Variants in EPHA3 observed in about 807,000 individuals in gnomAD.
EPHA3 encodes ephrin type-A receptor 3.
Under a neutral mutation model 107.1 loss-of-function variants are expected in EPHA3, and 42 were observed. The ratio of observed to expected loss-of-function variants is 0.39; its 90% CI spans 0.31 to 0.51. The LOEUF is 0.51. Ranked by LOEUF, EPHA3 falls within the 20% of genes least tolerant of loss-of-function variation. EPHA3 has a pLI of 0.78. For missense variants in EPHA3, 1,183 were observed against 1,211.2 expected, an observed-to-expected ratio of 0.98 and a Z score of 0.35; for synonymous variants, 461 against 424.8, an observed-to-expected ratio of 1.09 and a Z score of -1.05.
intron 5 of EPHA3, among the ~76,000 whole-genome samples, chr3:89,366,499 T>A (rs1708186400): frequency 1.3e-5 from 2 of 150,916 alleles, no homozygotes; most frequent in African/African-American, 4.8e-5. Flanking sequence ...AGTAAGCAAT[T>A]GACCACTAAG....
chr3:89,261,940 A>G (rs1236480966), intron 3 of EPHA3, among the ~76,000 whole-genome samples: 2 of 151,868 alleles, frequency 1.3e-5, no homozygotes, highest in African/African-American at 4.8e-5. Flanking sequence ...ACATATGAAC[A>G]CACACATTTA....
intron 2 of EPHA3, among the ~76,000 whole-genome samples, chr3:89,184,852 C>T (rs1307584436): frequency 6.6e-6 from 1 of 152,000 alleles, no homozygotes; most frequent in African/African-American, 2.4e-5. Flanking sequence ...GAATGTGAAG[C>T]TGGAAACTAC....
chr3:89,185,718 A>G (rs1438410505), intron 2 of EPHA3, among the ~76,000 whole-genome samples: 1 of 151,832 alleles, frequency 6.6e-6, no homozygotes, highest in African/African-American at 2.4e-5. Flanking sequence ...CTCCCTTTCT[A>G]CTTTGTCTAC....
At chr3:89,269,155 T>G (rs1385855698) in intron 3 of EPHA3, among the ~76,000 whole-genome samples, 2 of 152,172 alleles carry the variant, frequency 1.3e-5, no homozygotes, top group Non-Finnish European at 2.9e-5. Flanking sequence ...GACCCAGTTT[T>G]AAGTGCCTTA....
intron 3 of EPHA3, among the ~76,000 whole-genome samples, chr3:89,339,389 AAG>A (rs1553683512): frequency 6.3e-5 from 9 of 143,658 alleles, no homozygotes; most frequent in African/African-American, 2.0e-4. Flanking sequence ...AAAAAAAAAA[AAG>A]AAAGAAAGAA....
At chr3:89,299,433 A>T (rs1257658631) in intron 3 of EPHA3, among the ~76,000 whole-genome samples, 1 of 152,032 alleles carries the variant, frequency 6.6e-6, no homozygotes, top group Non-Finnish European at 1.5e-5. Context: ...AACTATCAAC[A>T]GAAAAATGTA....
At position 89,399,674 on chromosome 3, in the gene EPHA3, TC is replaced by T. The variant is rs1206078511; in HGVS notation, c.1594+195del. 275 of 1,263,422 alleles carry T rather than the reference TC, an allele frequency of 2.2e-4. No homozygotes were observed. In the African/African-American group the frequency reaches 3.8e-3, roughly 18 times the overall value. 78.3% of individuals were successfully genotyped at this position (1,263,422 alleles called of 1,614,324 possible). On this transcript the variant is annotated intron_variant, in intron 7 of 16. Coordinates refer to ENST00000336596, the MANE Select transcript of EPHA3 (RefSeq NM_005233.6). ...TTTGTGTGGGTGTACATTTTGTGTT[TC>T]TTTTTTTCTTGTATGCAAATCAAAC...
intron 15 of EPHA3, among the ~76,000 whole-genome samples, chr3:89,454,799 T>A (rs1236981812): frequency 1.3e-5 from 2 of 152,086 alleles, no homozygotes; most frequent in African/African-American, 4.8e-5. Flanking sequence ...GGAGACCAGT[T>A]TGGGTGTTAT....
chr3:89,447,755 C>T (rs756035294), intron 13 of EPHA3, among the ~76,000 whole-genome samples: 2 of 152,066 alleles, frequency 1.3e-5, no homozygotes, highest in Non-Finnish European at 1.5e-5. Context: ...TGAAATTTGT[C>T]GTTTAGTCCC....
chr3:89,283,556 C>G (rs2107318112), intron 3 of EPHA3, among the ~76,000 whole-genome samples: 1 of 152,184 alleles, frequency 6.6e-6, no homozygotes, highest in South Asian at 2.1e-4. Flanking sequence ...ATGCATTTCC[C>G]AACCAATGAT....
chr3:89,299,493 G>A (rs1039297585), intron 3 of EPHA3, among the ~76,000 whole-genome samples: 4 of 151,604 alleles, frequency 2.6e-5, no homozygotes, highest in Admixed American at 6.6e-5. Flanking sequence ...AAAAAGTAAC[G>A]GCATCATCAT....
intron 7 of EPHA3, chr3:89,400,275 G>T: frequency 5.5e-6 from 1 of 180,504 alleles, no homozygotes. Context: ...CTCACTGCAA[G>T]CTCCTGCAAG....
intron 3 of EPHA3, among the ~76,000 whole-genome samples, chr3:89,256,960 T>G (rs897294544): frequency 3.9e-5 from 6 of 152,216 alleles, no homozygotes; most frequent in Non-Finnish European, 8.8e-5. Flanking sequence ...ATGGTATTTT[T>G]TTGCTGATAC....
chr3:89,287,497 C>A (rs1351840402), intron 3 of EPHA3, among the ~76,000 whole-genome samples: 3 of 151,940 alleles, frequency 2.0e-5, no homozygotes, highest in Admixed American at 6.6e-5. Context: ...TGGGCTGACT[C>A]AGTTAAGGGA....
chr3:89,233,048 A>T (rs551109801), intron 3 of EPHA3, among the ~76,000 whole-genome samples: 1 of 152,294 alleles, frequency 6.6e-6, no homozygotes, highest in Non-Finnish European at 1.5e-5. Flanking sequence ...TTATTTCAGT[A>T]TGCAAGACCA....
At chr3:89,243,662 C>T (rs1160417826) in intron 3 of EPHA3, among the ~76,000 whole-genome samples, 1 of 151,952 alleles carries the variant, frequency 6.6e-6, no homozygotes, top group Non-Finnish European at 1.5e-5. Context: ...GAGGAGTAGC[C>T]CTTCGTCAGA....
At chr3:89,285,416 T>C (rs1706057048) in intron 3 of EPHA3, among the ~76,000 whole-genome samples, 1 of 152,218 alleles carries the variant, frequency 6.6e-6, no homozygotes, top group African/African-American at 2.4e-5. Context: ...GTATTATTTA[T>C]ACCCTAACAG....
At chr3:89,365,977 C>T (rs1162811483) in intron 5 of EPHA3, among the ~76,000 whole-genome samples, 1 of 150,522 alleles carries the variant, frequency 6.6e-6, no homozygotes, top group Non-Finnish European at 1.5e-5. Flanking sequence ...AAAAGTGACA[C>T]AATCAGGCCT....
chr3:89,472,372 G>C, intron 15 of EPHA3, 92 bp from the exon 16 acceptor site: 1 of 1,329,152 alleles, frequency 7.5e-7, no homozygotes, highest in Non-Finnish European at 1.0e-6. Context: ...TATGAAGTCT[G>C]GAAGTTCCTG....
Sources: allele counts gnomAD v4.1 joint callset (sites outside exome capture counted in the v4.1 genomes callset), GRCh38; gene constraint gnomAD v4.1.1; transcripts MANE v1.5; gene names NCBI Gene and HGNC (gene_info 2026-07-23, HGNC 2026-07-21).